Variants in ROBO2 observed in about 807,000 individuals in gnomAD.
ROBO2 encodes the protein roundabout guidance receptor 2.
A neutral mutation model predicts 160.8 loss-of-function variants in ROBO2; 53 were observed. The observed-to-expected ratio is 0.33, with a 90% CI of 0.26 to 0.41. The LOEUF (loss-of-function observed/expected upper bound fraction) is 0.41. ROBO2 is among the 10% of genes least tolerant of loss of function. The pLI is 1.00. For missense variants in ROBO2, 1,577 were observed against 1,722.4 expected, an observed-to-expected ratio of 0.92 and a Z score of 1.49; for synonymous variants, 664 against 611.7, an observed-to-expected ratio of 1.09 and a Z score of -1.26.
chr3:77,010,918 CT>C (rs1302537895), intron 2 of ROBO2, among the ~76,000 whole-genome samples: 26 of 136,940 alleles, frequency 1.9e-4, no homozygotes, highest in African/African-American at 6.9e-4. Flanking sequence ...TTCTTCCTTC[CT>C]TCCTACCCCC....
chr3:77,220,627 G>A lies in ROBO2; in HGVS notation c.388+122287G>A, dbSNP rs2085657096. On this transcript the variant is annotated intron_variant, in intron 2 of 25. Transcript: ENST00000461745. ...ATTATTCTGTCAAGATGATTAAATGGACATTTTCCTAATCTTCTAGTTGAA... is the reference window on the plus strand; with the variant it reads ...ATTATTCTGTCAAGATGATTAAATGAACATTTTCCTAATCTTCTAGTTGAA... Among the ~76,000 whole-genome samples the A allele has an allele frequency of 2.0e-5, 3 of 152,006 alleles. No homozygotes were observed. The South Asian group carries it at 6.3e-4, about 32-fold the overall frequency.
At chr3:77,591,387 A>G (rs2094176783) in intron 17 of ROBO2, among the ~76,000 whole-genome samples, 1 of 152,130 alleles carries the variant, frequency 6.6e-6, no homozygotes, top group South Asian at 2.1e-4. Flanking sequence ...CAAAATGTCA[A>G]TTTGCCACAG....
At chr3:77,409,530 A>T (rs555539306) in intron 2 of ROBO2, among the ~76,000 whole-genome samples, 100 of 152,132 alleles carry the variant, frequency 6.6e-4, no homozygotes, top group Non-Finnish European at 1.2e-3. Context: ...GAGATTTTCT[A>T]TTGATCCCAG....
chr3:75,929,701 C>CA (rs1947452742), intron 1 of ROBO2, among the ~76,000 whole-genome samples: 1 of 147,050 alleles, frequency 6.8e-6, no homozygotes, highest in African/African-American at 2.5e-5. Flanking sequence ...GCACTCTTGT[C>CA]TTTTTTTTTT....
At chr3:76,638,655 A>G (rs2109624154) in intron 2 of ROBO2, among the ~76,000 whole-genome samples, 1 of 152,278 alleles carries the variant, frequency 6.6e-6, no homozygotes, top group African/African-American at 2.4e-5. Context: ...AGAATCATCC[A>G]TAATAGGTAT....
rs568335189 is a variant in ROBO2 at position 77,315,375 on chromosome 3, G to T, written c.389-162039G>T. ...ACAAGGTCTGAGGGTGAATGGTATT[G>T]TGTGATGAATTCCAACAAGTCTGGG... On this transcript the variant is annotated intron_variant, in intron 2 of 25. Coordinates refer to ENST00000461745, the Ensembl canonical transcript of ROBO2. 7.2e-5 allele frequency among the ~76,000 whole-genome samples: 11 copies of T among 152,312 alleles called. No individual in the cohort carries two copies. The South Asian group carries it at 2.1e-3, about 29-fold the overall frequency.
At position 76,000,420 on chromosome 3, in the gene ROBO2, C is replaced by T. The variant is rs193035684; in HGVS notation, c.109+62818C>T. Among the ~76,000 whole-genome samples, 30 of 151,906 alleles carry T rather than the reference C, an allele frequency of 2.0e-4. 1 individual carries two copies. The highest frequency in any genetic ancestry group is 7.0e-4 in the African/African-American group (29 of 41,438). ...ATTGTGCTATCCATATCTCCAGTAA[C>T]CACACTATGAGTCAGCTTCATCTAG... On this transcript the variant is annotated intron_variant, in intron 2 of 26. Transcript: ENST00000487694.
At chr3:76,269,458 G>T (rs1432256476) in intron 2 of ROBO2, among the ~76,000 whole-genome samples, 2 of 151,558 alleles carry the variant, frequency 1.3e-5, no homozygotes, top group African/African-American at 2.4e-5. Flanking sequence ...ACAAATATAT[G>T]TAAACCAAAA....
chr3:77,007,500 C>A (rs1292108168), intron 2 of ROBO2, among the ~76,000 whole-genome samples: 1 of 151,976 alleles, frequency 6.6e-6, no homozygotes, highest in East Asian at 1.9e-4. Context: ...TTCTGCATTT[C>A]TTCGAAAACA....
At chr3:76,708,571 C>T (rs773835393) in intron 2 of ROBO2, among the ~76,000 whole-genome samples, 3 of 152,134 alleles carry the variant, frequency 2.0e-5, no homozygotes, top group Admixed American at 6.5e-5. Context: ...AGGACACATA[C>T]GTCACTGCAT....
chr3:77,046,206 C>T (rs2064651836), intron 1 of ROBO2, among the ~76,000 whole-genome samples: 1 of 152,110 alleles, frequency 6.6e-6, no homozygotes, highest in Non-Finnish European at 1.5e-5. Flanking sequence ...TTTACATTGC[C>T]ATTAGCAATA....
chr3:76,292,025 C>A (rs1576287633), intron 2 of ROBO2, among the ~76,000 whole-genome samples: 1 of 151,882 alleles, frequency 6.6e-6, no homozygotes, highest in South Asian at 2.1e-4. Context: ...TCTGTTAGGG[C>A]TATTTGGTCA....
intron 2 of ROBO2, among the ~76,000 whole-genome samples, chr3:76,776,866 G>A (rs1348796207): frequency 1.3e-5 from 2 of 150,856 alleles, no homozygotes; most frequent in Non-Finnish European, 1.5e-5. Flanking sequence ...ATAATATGAA[G>A]GGCAGATTCC....
intron 2 of ROBO2, among the ~76,000 whole-genome samples, chr3:76,542,411 C>A (rs1302059213): frequency 6.6e-6 from 1 of 152,116 alleles, no homozygotes; most frequent in Non-Finnish European, 1.5e-5. Flanking sequence ...GATGGGAAGT[C>A]CAGGCCTTGG....
At chr3:76,104,968 C>T (rs1346904215) in intron 2 of ROBO2, among the ~76,000 whole-genome samples, 1 of 152,142 alleles carries the variant, frequency 6.6e-6, no homozygotes, top group African/African-American at 2.4e-5. Flanking sequence ...GAACACCTTC[C>T]AAACTGAAGG....
chr3:77,038,985 T>A (rs2063807709), upstream of ROBO2, among the ~76,000 whole-genome samples: 1 of 152,146 alleles, frequency 6.6e-6, no homozygotes, highest in Admixed American at 6.5e-5. Context: ...AGCTCTGTGA[T>A]CCCCGCTTCC....
intron 2 of ROBO2, chr3:76,434,759 C>T (rs2076591157): frequency 1.7e-6 from 2 of 1,197,986 alleles, no homozygotes; most frequent in Non-Finnish European, 2.5e-6. Context: ...AGTCCGCTTC[C>T]TGCTCAGCCC....
chr3:76,033,293 TACAC>T (rs34043265), intron 2 of ROBO2, among the ~76,000 whole-genome samples: 14 of 149,574 alleles, frequency 9.4e-5, no homozygotes, highest in Admixed American at 3.3e-4. Flanking sequence ...CTGTGACACA[TACAC>T]ACACACACAC....
At chr3:75,973,924 T>C (rs2065063768) in intron 2 of ROBO2, among the ~76,000 whole-genome samples, 1 of 151,264 alleles carries the variant, frequency 6.6e-6, no homozygotes, top group Non-Finnish European at 1.5e-5. Context: ...CCAGTAAAGA[T>C]GGTGGGATAG....
Sources: allele counts gnomAD v4.1 joint callset (sites outside exome capture counted in the v4.1 genomes callset), GRCh38; gene constraint gnomAD v4.1.1; transcripts MANE v1.5; gene names NCBI Gene and HGNC (gene_info 2026-07-23, HGNC 2026-07-21).